PTPA: variants seen among roughly 807,000 people sequenced by gnomAD.
The protein encoded by PTPA is protein phosphatase 2 phosphatase activator, also known as serine/threonine-protein phosphatase 2A activator.
PTPA carries 13 observed loss-of-function variants against 43.6 expected under a neutral mutation model. The ratio of observed to expected loss-of-function variants is 0.30; its 90% CI spans 0.19 to 0.47. PTPA has a LOEUF of 0.47. Among genes scored for constraint, PTPA ranks in the 20% least tolerant of loss-of-function variants. The pLI is 0.99. For missense variants in PTPA, 329 were observed against 411.9 expected (o/e 0.80, Z 1.74); for synonymous variants, 172 against 158.2 (o/e 1.09, Z -0.66).
At position 129,148,572 on chromosome 9, in the gene PTPA, G is replaced by T. The variant is rs1278177493; in HGVS notation, c.*1108G>T. On this transcript the variant is annotated 3_prime_UTR_variant, in exon 10 of 10. Transcript: ENST00000393370. Reference sequence around the variant, plus strand: ...CTTTGGCACTCAGAATGGGCCCAGTGGGGGCTGGGCAGGCCCATTGAGGGC... The same window carrying T: ...CTTTGGCACTCAGAATGGGCCCAGTTGGGGCTGGGCAGGCCCATTGAGGGC... The T allele has an allele frequency of 6.5e-6, 1 of 152,746 alleles. No individual in the cohort carries two copies. The highest frequency in any genetic ancestry group is 2.1e-4 in the South Asian group (1 of 4,840). The allele number at this position is 152,746 out of a possible 1,614,324, so 9.5% of individuals were successfully genotyped here.
In PTPA at chr9:129,111,883, G is replaced by T. The variant is rs1848523991; in HGVS notation, c.31+252G>T. The stretch of plus-strand genomic sequence containing the variant: ...TCTGGGTTTTGTGGGAGTCCAGGCT[G>T]CCCGAATGCTGGGTGGGCAGCGCCG... On this transcript the variant is annotated intron_variant, in intron 1 of 9. Coordinates refer to ENST00000393370, the MANE Select transcript of PTPA (RefSeq NM_178000.3). The T allele has an allele frequency of 4.2e-6, 4 of 962,418 alleles. No individual in the cohort carries two copies. The South Asian group carries it at 2.2e-4, about 52-fold the overall frequency. 59.6% of individuals were successfully genotyped at this position (962,418 alleles called of 1,614,324 possible).
chr9:129,134,841 T>G lies in PTPA; in HGVS notation c.507T>G (p.Ile169Met). The change falls in exon 6 of 10, where the codon ATT becomes ATG. Residue 169 changes from isoleucine (I) to methionine (M), a missense_variant. Transcript: ENST00000393370. ...FAAFLCCLCK[I>M]GVLRVDDQIA... The stretch of plus-strand genomic sequence containing the variant: ...CTTTCCTCTGCTGTCTCTGCAAGAT[T>G]GGGGTGCTCCGGGTGGATGACCAAA... 1 of 1,614,138 alleles carries G rather than the reference T, an allele frequency of 6.2e-7. No homozygotes were observed. Among genetic ancestry groups the G allele is most frequent in the Non-Finnish European group, 8.5e-7 (1 of 1,180,026 alleles).
chr9:129,122,818 C>T (rs1440739095), intron 2 of PTPA, among the ~76,000 whole-genome samples: 10 of 152,232 alleles, frequency 6.6e-5, no homozygotes. Flanking sequence ...GTACTTGGTT[C>T]ACTCTGGCTG....
chr9:129,111,304 G>A (rs2274475), upstream of PTPA: 12 of 1,136,702 alleles, frequency 1.1e-5, no homozygotes, highest in East Asian at 5.2e-4. Context: ...AGCGCTTGGC[G>A]GCCGTTGGCG....
intron 9 of PTPA, among the ~76,000 whole-genome samples, chr9:129,144,573 C>A (rs998254387): frequency 6.6e-6 from 1 of 151,724 alleles, no homozygotes; most frequent in Non-Finnish European, 1.5e-5. Context: ...CCCGTCTCTA[C>A]TAAAAATATA....
intron 8 of PTPA, chr9:129,138,216 G>A (rs2131606708): frequency 5.6e-6 from 1 of 178,668 alleles, no homozygotes; most frequent in Non-Finnish European, 1.2e-5. Context: ...GGCCTGGCCT[G>A]TGGTGGCAGT....
At chr9:129,132,497 C>T (rs1048316281) in intron 5 of PTPA, among the ~76,000 whole-genome samples, 1 of 152,054 alleles carries the variant, frequency 6.6e-6, no homozygotes, top group African/African-American at 2.4e-5. Context: ...CACCACCAGC[C>T]TGGCAATTTA....
At chr9:129,110,970 AAGG>A (rs756804337), upstream of PTPA, 5 of 1,370,402 alleles carry the variant, frequency 3.6e-6, no homozygotes, top group East Asian at 9.0e-5. This position sits in a 1 kb window ranked among gnomAD's most constrained non-coding sequence, Gnocchi z 5.3. Flanking sequence ...GTGGAGGAGG[AAGG>A]AGGAGGTCAC....
intron 8 of PTPA, among the ~76,000 whole-genome samples, chr9:129,141,351 CCT>C (rs1850810933): frequency 6.6e-6 from 1 of 152,044 alleles, no homozygotes; most frequent in Admixed American, 6.5e-5. Flanking sequence ...CCCAGTCTCC[CCT>C]GACACCCGCA....
In PTPA at chr9:129,120,613, AC is replaced by A; in HGVS notation, c.129+5del. On this transcript the variant is annotated splice_donor_region_variant and intron_variant, in intron 2 of 9. Coordinates refer to ENST00000393370, the MANE Select transcript of PTPA (RefSeq NM_178000.3). ...TGGGCAAATGGAAGCGTTCTCAGGT[AC>A]CATTTGGAACTGTGGTGAGAAACTT... 6.2e-7 allele frequency: 1 copy of A among 1,606,706 alleles called. No homozygotes were observed. The highest frequency in any genetic ancestry group is 8.5e-7 in the Non-Finnish European group (1 of 1,173,856).
At chr9:129,142,930 G>A (rs1850997626) in intron 9 of PTPA, 3 of 1,456,228 alleles carry the variant, frequency 2.1e-6, no homozygotes, top group Admixed American at 2.4e-5. Context: ...TACCTGGGAA[G>A]GGTCTTACCC....
chr9:129,131,560 TC>T lies in PTPA; in HGVS notation c.382del (p.Leu128TrpfsTer12), dbSNP rs1374479516. On this transcript the variant is annotated frameshift_variant, in exon 5 of 10. Transcript: ENST00000393370. LOFTEE classifies it high-confidence loss of function. ...NLVATVVPTH[L>X]AAAVPEVAVY... ...TGGTGGCCACAGTGGTCCCTACCCATCTGGCAGCTGCTGTGCCTGAGGTGGC... is the reference window on the plus strand; with the variant it reads ...TGGTGGCCACAGTGGTCCCTACCCATTGGCAGCTGCTGTGCCTGAGGTGGC... 6.2e-7 allele frequency: 1 copy of T among 1,613,958 alleles called. No homozygotes were observed. The highest frequency in any genetic ancestry group is 8.5e-7 in the Non-Finnish European group (1 of 1,180,042).
At chr9:129,140,699 A>G (rs979627832) in intron 8 of PTPA, among the ~76,000 whole-genome samples, 1 of 151,876 alleles carries the variant, frequency 6.6e-6, no homozygotes, top group South Asian at 2.1e-4. Flanking sequence ...CCCTGTCCAG[A>G]GAGTGAAACT....
At chr9:129,137,527 G>C in intron 7 of PTPA, 65 bp from the exon 8 acceptor site, 1 of 1,354,508 alleles carries the variant, frequency 7.4e-7, no homozygotes, top group South Asian at 1.3e-5. Context: ...TGTGACTGCT[G>C]GGCCGGGTTG....
chr9:129,111,278 G>A, upstream of PTPA: 1 of 1,207,278 alleles, frequency 8.3e-7, no homozygotes, highest in Non-Finnish European at 1.0e-6. Flanking sequence ...ACGTTCGGGC[G>A]GCCGTGAGCG....
intron 9 of PTPA, among the ~76,000 whole-genome samples, chr9:129,144,477 G>A (rs1255775967): frequency 6.6e-6 from 1 of 152,128 alleles, no homozygotes; most frequent in African/African-American, 2.4e-5. Flanking sequence ...GGTGGCTCAC[G>A]CCTGTAATCC....
intron 6 of PTPA, among the ~76,000 whole-genome samples, chr9:129,136,239 TTA>T (rs1156433642): frequency 6.6e-6 from 1 of 152,230 alleles, no homozygotes; most frequent in Non-Finnish European, 1.5e-5. Context: ...AGTGCTGGGA[TTA>T]CAGGCGTGAG....
At chr9:129,117,615 G>A (rs1040148871) in intron 1 of PTPA, among the ~76,000 whole-genome samples, 4 of 151,514 alleles carry the variant, frequency 2.6e-5, no homozygotes, top group Admixed American at 6.6e-5. Context: ...ATGTTGGCCA[G>A]GCTGGTCTTG....
intron 8 of PTPA, among the ~76,000 whole-genome samples, chr9:129,138,491 G>T (rs713218): frequency 1.3e-5 from 2 of 152,096 alleles, no homozygotes; most frequent in East Asian, 3.9e-4. Context: ...TCTTGAGGGA[G>T]GTGTTAGGAC....
Sources: gnomAD v4.1 joint callset for allele counts (sites outside exome capture counted in the v4.1 genomes callset) on GRCh38, gnomAD v4.1.1 for gene constraint, Gnocchi (gnomAD v3.1) non-coding constraint, MANE v1.5 for transcripts, NCBI Gene and HGNC (gene_info 2026-07-23, HGNC 2026-07-21) for gene names.